The following LRRC7 variants were observed in gnomAD, a reference collection of about 807,000 sequenced individuals.
LRRC7 encodes leucine-rich repeat-containing protein 7.
A neutral mutation model predicts 175.7 loss-of-function variants in LRRC7; 23 were observed. That is an observed-to-expected ratio of 0.13 (90% CI 0.09 to 0.19). The LOEUF (loss-of-function observed/expected upper bound fraction) is 0.19. Among genes scored for constraint, LRRC7 ranks in the 10% least tolerant of loss-of-function variants. LRRC7 has a pLI of 1.00. For missense variants in LRRC7, 1,354 were observed against 1,904.7 expected (o/e 0.71, Z 5.38); for synonymous variants, 685 against 680.9 (o/e 1.01, Z -0.09).
chr1:69,632,233 T>C (rs188544887), intron 1 of LRRC7, among the ~76,000 whole-genome samples: 1 of 152,232 alleles, frequency 6.6e-6, no homozygotes, highest in East Asian at 1.9e-4. Context: ...CCAGCAATGA[T>C]CACATTATAT....
At chr1:69,595,431 A>G (rs578066552) in intron 1 of LRRC7, among the ~76,000 whole-genome samples, 3 of 152,138 alleles carry the variant, frequency 2.0e-5, no homozygotes, top group Non-Finnish European at 2.9e-5. Flanking sequence ...CAAACAAAAA[A>G]CAAACAAACA....
At chr1:69,770,230 G>A (rs949687638) in intron 3 of LRRC7, among the ~76,000 whole-genome samples, 2 of 152,104 alleles carry the variant, frequency 1.3e-5, no homozygotes, top group South Asian at 4.1e-4. Flanking sequence ...TATCTGACAA[G>A]CAAAATAAAC....
intron 8 of LRRC7, among the ~76,000 whole-genome samples, chr1:69,934,762 G>A (rs1230534969): frequency 6.6e-6 from 1 of 152,044 alleles, no homozygotes; most frequent in Non-Finnish European, 1.5e-5. Flanking sequence ...GCTGATGTAT[G>A]GAACCAGATA....
chr1:69,681,739 A>G (rs757536022), intron 2 of LRRC7, among the ~76,000 whole-genome samples: 13 of 152,088 alleles, frequency 8.5e-5, no homozygotes, highest in Non-Finnish European at 1.9e-4. Flanking sequence ...TCTAAGAGTT[A>G]TCTACACTCA....
chr1:69,914,655 T>A (rs1288564817), intron 7 of LRRC7, among the ~76,000 whole-genome samples: 1 of 152,202 alleles, frequency 6.6e-6, no homozygotes, highest in Non-Finnish European at 1.5e-5. Context: ...ATTTATCTGT[T>A]ATATCTTTAT....
intron 4 of LRRC7, among the ~76,000 whole-genome samples, chr1:69,824,938 T>C (rs1465627400): frequency 1.3e-5 from 2 of 152,180 alleles, no homozygotes; most frequent in African/African-American, 4.8e-5. Flanking sequence ...ACTACATTGA[T>C]CCATTTCTGT....
chr1:69,909,397 A>G (rs1056906493), intron 7 of LRRC7, among the ~76,000 whole-genome samples: 11 of 152,138 alleles, frequency 7.2e-5, no homozygotes, highest in African/African-American at 2.7e-4. Flanking sequence ...ATGTTTTTGC[A>G]GTGGCTGGTA....
At chr1:69,781,843 A>G (rs567439205) in intron 3 of LRRC7, among the ~76,000 whole-genome samples, 4 of 89,382 alleles carry the variant, frequency 4.5e-5, no homozygotes, top group Admixed American at 1.2e-4. Flanking sequence ...GGAAGGAAGG[A>G]AGGGAGAGAA....
intron 3 of LRRC7, among the ~76,000 whole-genome samples, chr1:69,787,168 G>C: frequency 6.6e-6 from 1 of 152,206 alleles, no homozygotes; most frequent in Non-Finnish European, 1.5e-5. Context: ...TCACATCCAG[G>C]TCACGCTGTT....
intron 25 of LRRC7, among the ~76,000 whole-genome samples, chr1:70,106,021 A>G (rs1293049598): frequency 6.6e-6 from 1 of 152,098 alleles, no homozygotes; most frequent in African/African-American, 2.4e-5. Flanking sequence ...CACACACACA[A>G]AGTTATGAGC....
At chr1:69,680,161 T>C (rs1660296247) in intron 2 of LRRC7, among the ~76,000 whole-genome samples, 3 of 152,238 alleles carry the variant, frequency 2.0e-5, no homozygotes, top group African/African-American at 7.2e-5. Flanking sequence ...ATGCAAATTC[T>C]AGTGCTGCAA....
intron 8 of LRRC7, among the ~76,000 whole-genome samples, chr1:69,963,627 G>GT (rs973358776): frequency 5.3e-4 from 80 of 152,034 alleles, no homozygotes; most frequent in East Asian, 2.7e-3. Flanking sequence ...AGTTTTTTGT[G>GT]TTTTTTTTGG....
intron 7 of LRRC7, among the ~76,000 whole-genome samples, chr1:69,927,250 T>A (rs958268840): frequency 1.3e-5 from 2 of 152,222 alleles, no homozygotes; most frequent in African/African-American, 4.8e-5. Flanking sequence ...ATTTTTTCCT[T>A]CATTTCAACT....
chr1:70,100,618 A>G (rs1057506922), intron 25 of LRRC7, among the ~76,000 whole-genome samples: 1 of 152,064 alleles, frequency 6.6e-6, no homozygotes, highest in African/African-American at 2.4e-5. Context: ...ATTCCTTTCT[A>G]TGTGTAAAAT....
chr1:70,120,647 T>C lies in LRRC7; in HGVS notation c.4621-1133T>C, dbSNP rs1666149135. Among the ~76,000 whole-genome samples the C allele has an allele frequency of 2.0e-5, 3 of 152,138 alleles. No individual in the cohort carries two copies. In the South Asian group the frequency reaches 6.2e-4, roughly 32 times the overall value. The stretch of plus-strand genomic sequence containing the variant: ...ATCATATTTTAAGAAAGCATAAAAA[T>C]AGTAAGTAAAATAAAAAAGGCAATG... On this transcript the variant is annotated intron_variant, in intron 26 of 26. Coordinates refer to ENST00000651989, the MANE Select transcript of LRRC7 (RefSeq NM_001370785.2).
chr1:70,133,370 A>G lies in LRRC7; in HGVS notation c.*11483A>G, dbSNP rs1666752155. Among the ~76,000 whole-genome samples, 1 of 151,840 alleles carries G rather than the reference A, an allele frequency of 6.6e-6. No individual in the cohort carries two copies. Among genetic ancestry groups the G allele is most frequent in the Non-Finnish European group, 1.5e-5 (1 of 67,940 alleles). On this transcript the variant is annotated 3_prime_UTR_variant, in exon 27 of 27. Coordinates refer to ENST00000651989, the MANE Select transcript of LRRC7 (RefSeq NM_001370785.2). ...CGAGTAGCTGGGACTACAGGCATGC[A>G]CCACCACGCCCGGCTAATTTTTGTA... is the stretch of plus-strand genomic sequence containing the variant.
At chr1:69,886,193 A>G (rs1456889353) in intron 7 of LRRC7, among the ~76,000 whole-genome samples, 3 of 152,006 alleles carry the variant, frequency 2.0e-5, no homozygotes, top group African/African-American at 7.3e-5. Flanking sequence ...TGTCTCGTTT[A>G]TCTGTCTAAT....
At chr1:69,956,410 G>T (rs959960591) in intron 8 of LRRC7, among the ~76,000 whole-genome samples, 4 of 151,768 alleles carry the variant, frequency 2.6e-5, no homozygotes, top group African/African-American at 9.7e-5. Context: ...ATTTTCAGGA[G>T]TGGACAATTA....
At chr1:69,825,679 T>C (rs1286160300) in intron 4 of LRRC7, 69 bp from the exon 5 acceptor site, 1 of 982,688 alleles carries the variant, frequency 1.0e-6, no homozygotes, top group East Asian at 2.7e-5. Context: ...ATTATCTAAA[T>C]ATTAGAACTA....
Sources: allele counts gnomAD v4.1 joint callset (sites outside exome capture counted in the v4.1 genomes callset), GRCh38; gene constraint gnomAD v4.1.1; transcripts MANE v1.5; gene names NCBI Gene and HGNC (gene_info 2026-07-23, HGNC 2026-07-21).